ATP6V1E1: variants seen among roughly 807,000 people sequenced by gnomAD.
ATP6V1E1 encodes the protein V-type proton ATPase subunit E 1.
A neutral mutation model predicts 35.2 loss-of-function variants in ATP6V1E1; 21 were observed. The ratio of observed to expected loss-of-function variants is 0.60; its 90% CI spans 0.42 to 0.86. The LOEUF is 0.86. Among genes scored for constraint, ATP6V1E1 ranks in the 40% least tolerant of loss-of-function variants. The pLI is 0.00. For synonymous variants in ATP6V1E1, 83 were observed against 87.8 expected (o/e 0.95, Z 0.30); for missense variants, 183 against 272.6 (o/e 0.67, Z 2.32).
intron 8 of ATP6V1E1, 137 bp downstream of exon 8, chr22:17,594,392 A>G (rs1245439034): frequency 2.9e-6 from 2 of 692,824 alleles, no homozygotes; most frequent in Admixed American, 7.4e-5. Flanking sequence ...TACATGCCCA[A>G]TTCTCATTCT....
intron 7 of ATP6V1E1, among the ~76,000 whole-genome samples, chr22:17,595,684 G>A (rs1196031853): frequency 1.3e-5 from 2 of 152,142 alleles, no homozygotes; most frequent in African/African-American, 4.8e-5. Context: ...AGCTGGGCAT[G>A]GTGGGGCGTG....
At chr22:17,613,059 T>C in intron 3 of ATP6V1E1, 152 bp downstream of exon 3, 1 of 911,384 alleles carries the variant, frequency 1.1e-6, no homozygotes, top group Non-Finnish European at 1.7e-6. Flanking sequence ...GGCTTTAATT[T>C]TCACAAATGA....
At chr22:17,621,598 T>A (rs1250295526) in intron 1 of ATP6V1E1, among the ~76,000 whole-genome samples, 3 of 152,170 alleles carry the variant, frequency 2.0e-5, no homozygotes, top group Non-Finnish European at 4.4e-5. Flanking sequence ...CTCAGCCCAC[T>A]GCTTACCTTT....
chr22:17,627,094 A>G (rs1846468264), intron 1 of ATP6V1E1, among the ~76,000 whole-genome samples: 1 of 151,924 alleles, frequency 6.6e-6, no homozygotes, highest in Admixed American at 6.6e-5. Context: ...GGTTCAAGCG[A>G]TTCTCCTGCC....
intron 2 of ATP6V1E1, among the ~76,000 whole-genome samples, chr22:17,614,834 T>C (rs1381099001): frequency 1.3e-5 from 2 of 150,192 alleles, no homozygotes; most frequent in East Asian, 4.0e-4. Context: ...GCGGGCGTGG[T>C]GGCAGTCGCC....
At chr22:17,623,252 C>A (rs2057887161) in intron 1 of ATP6V1E1, among the ~76,000 whole-genome samples, 1 of 152,084 alleles carries the variant, frequency 6.6e-6, no homozygotes, top group African/African-American at 2.4e-5. Context: ...TAATCCAGAC[C>A]TAGATGTGTG....
chr22:17,610,683 T>G (rs1028013455), intron 4 of ATP6V1E1, among the ~76,000 whole-genome samples: 2 of 152,222 alleles, frequency 1.3e-5, no homozygotes, highest in African/African-American at 4.8e-5. Flanking sequence ...CAAATAATAA[T>G]ATCTATGCAG....
intron 1 of ATP6V1E1, among the ~76,000 whole-genome samples, chr22:17,619,875 T>C (rs2057866674): frequency 6.6e-6 from 1 of 152,320 alleles, no homozygotes; most frequent in South Asian, 2.1e-4. Context: ...CACAGATAAA[T>C]AGGACCTTCA....
chr22:17,627,560 T>C (rs1040327036), intron 1 of ATP6V1E1, among the ~76,000 whole-genome samples: 9 of 151,746 alleles, frequency 5.9e-5, no homozygotes, highest in African/African-American at 1.9e-4. Flanking sequence ...GGCTCATGCC[T>C]GTAATCCCAG....
At chr22:17,602,877 TAAATA>T (rs2057768624) in intron 4 of ATP6V1E1, among the ~76,000 whole-genome samples, 1 of 152,224 alleles carries the variant, frequency 6.6e-6, no homozygotes, top group Non-Finnish European at 1.5e-5. Flanking sequence ...TTTATAATTG[TAAATA>T]AAGTTAAACA....
intron 7 of ATP6V1E1, among the ~76,000 whole-genome samples, chr22:17,597,239 G>C (rs968102209): frequency 1.4e-5 from 2 of 142,416 alleles, no homozygotes; most frequent in Non-Finnish European, 3.0e-5. Flanking sequence ...GAGACTGCCT[G>C]TCTTAAAAAA....
At chr22:17,612,682 A>G (rs2057821147) in intron 4 of ATP6V1E1, 130 bp downstream of exon 4, 8 of 804,836 alleles carry the variant, frequency 9.9e-6, no homozygotes, top group Non-Finnish European at 1.5e-5. Flanking sequence ...TGTATTTATT[A>G]TAATAATTGG....
chr22:17,626,325 A>AAAAAAAAAAAAAG (rs1555864859), intron 1 of ATP6V1E1, among the ~76,000 whole-genome samples: 27 of 122,890 alleles, frequency 2.2e-4, no homozygotes, highest in African/African-American at 2.9e-4. Flanking sequence ...AAAAAAAAAA[A>AAAAAAAAAAAAAG]AAAGAAAGAA....
At chr22:17,596,337 C>T (rs1453861938) in intron 7 of ATP6V1E1, among the ~76,000 whole-genome samples, 2 of 152,042 alleles carry the variant, frequency 1.3e-5, no homozygotes, top group East Asian at 3.9e-4. Flanking sequence ...GATCCCGAGG[C>T]AATGAACTGT....
In ATP6V1E1 at chr22:17,592,998, C is replaced by T. The variant is rs143950098; in HGVS notation, c.619-262G>A. On this transcript the variant is annotated intron_variant, in intron 8 of 8. Transcript: ENST00000253413. The stretch of plus-strand genomic sequence containing the variant: ...AGAGACGGGGTTTCACCATGTTAGC[C>T]GGGATGGTCTCGATCTCCTGACCTC... Among the ~76,000 whole-genome samples the T allele has an allele frequency of 7.0e-3, 1,069 of 152,120 alleles. 10 individuals carry two copies. The highest frequency in any genetic ancestry group is 0.024 in the African/African-American group (999 of 41,502).
Position 17,596,080 on chromosome 22 carries a change from C to T in ATP6V1E1, c.531-1464G>A, listed in dbSNP as rs148530527. On this transcript the variant is annotated intron_variant, in intron 7 of 8. Transcript: ENST00000253413. ...CTGGGAGGTGGAGCTTGCAGTGAGC[C>T]GAGGTCGTGCCACTGCACTCCAGCC... Among the ~76,000 whole-genome samples, 1,093 of 151,928 alleles carry T rather than the reference C, an allele frequency of 7.2e-3. 13 individuals are homozygous for T. Among genetic ancestry groups the T allele is most frequent in the African/African-American group, 0.025 (1,036 of 41,404 alleles).
intron 2 of ATP6V1E1, among the ~76,000 whole-genome samples, chr22:17,613,621 T>G (rs1381514176): frequency 2.0e-5 from 3 of 152,104 alleles, no homozygotes; most frequent in African/African-American, 7.2e-5. Context: ...CGTTCGAAAC[T>G]TAATCCATTA....
chr22:17,611,585 AAAAC>A (rs770957545), intron 4 of ATP6V1E1, among the ~76,000 whole-genome samples: 11 of 152,224 alleles, frequency 7.2e-5, no homozygotes, highest in Non-Finnish European at 5.9e-5. Flanking sequence ...CAGGGATGCC[AAAAC>A]AAACAAACAG....
chr22:17,606,037 G>A (rs940553110), intron 4 of ATP6V1E1, among the ~76,000 whole-genome samples: 4 of 152,086 alleles, frequency 2.6e-5, no homozygotes, highest in Admixed American at 6.6e-5. Flanking sequence ...GAGCAGCTGG[G>A]AATGGTAAAA....
Sources: gnomAD v4.1 joint callset for allele counts (sites outside exome capture counted in the v4.1 genomes callset) on GRCh38, gnomAD v4.1.1 for gene constraint, MANE v1.5 for transcripts, NCBI Gene and HGNC (gene_info 2026-07-23, HGNC 2026-07-21) for gene names.